MAP3K12: variants seen among roughly 807,000 people sequenced by gnomAD.
MAP3K12 encodes the protein mitogen-activated protein kinase kinase kinase 12.
MAP3K12 carries 14 observed loss-of-function variants against 87.5 expected under a neutral mutation model. The observed-to-expected ratio is 0.16, with a 90% CI of 0.11 to 0.25. The LOEUF is 0.25. Ranked by LOEUF, MAP3K12 falls within the 10% of genes least tolerant of loss-of-function variation. The pLI, the probability that MAP3K12 is intolerant of heterozygous loss-of-function variation, is 1.00. For missense variants in MAP3K12, 802 were observed against 1,140.4 expected (o/e 0.70, Z 4.27); for synonymous variants, 469 against 452.5 (o/e 1.04, Z -0.46).
chr12:53,485,525 T>C, intron 4 of MAP3K12, 50 bp from the exon 5 acceptor site: 2 of 1,573,372 alleles, frequency 1.3e-6, no homozygotes, highest in Middle Eastern at 1.8e-4. Flanking sequence ...ACACACCTCA[T>C]CTAACTCTGC....
Position 53,486,165 on chromosome 12 carries a change from C to T in MAP3K12, c.712G>A (p.Gly238Ser). The T allele has an allele frequency of 1.2e-6, 2 of 1,614,156 alleles. No individual in the cohort carries two copies. Among genetic ancestry groups the T allele is most frequent in the East Asian group, 2.2e-5 (1 of 44,878 alleles). Residue 238 changes from glycine (G) to serine (S), a missense_variant, in exon 4 of 14, where the codon GGC (glycine) becomes AGC (serine). Gly to Ser is a moderately conservative substitution (Grantham distance 56). Coordinates refer to ENST00000547488, the MANE Select transcript of MAP3K12 (RefSeq NM_001193511.2). The surrounding 1 kb of genome is among the most constrained non-coding windows in gnomAD (Gnocchi z 4.9). ...QGQLYEVLRAGRPVTPSLLVD... is the reference protein window; with the variant it reads ...QGQLYEVLRASRPVTPSLLVD... ...AGTAAGGAGGGGGTGACAGGGCGGCCAGCCCGCAGTACCTCATACAGCTGG... is the reference window on the plus strand; with the variant it reads ...AGTAAGGAGGGGGTGACAGGGCGGCTAGCCCGCAGTACCTCATACAGCTGG...
At chr12:53,501,280 C>A, upstream of MAP3K12, 1 of 986,240 alleles carries the variant, frequency 1.0e-6, no homozygotes, top group Non-Finnish European at 1.5e-6. Flanking sequence ...GACTCCATAT[C>A]CCAGCGTGCC....
At chr12:53,483,830 C>A (rs79893253) in intron 8 of MAP3K12, 81 bp downstream of exon 8, 48 of 1,610,186 alleles carry the variant, frequency 3.0e-5, no homozygotes, top group Admixed American at 1.5e-4. Flanking sequence ...TCCTTCCACC[C>A]GCCCTGGGGC....
chr12:53,501,407 G>A (rs1183068848), upstream of MAP3K12: 2 of 1,564,246 alleles, frequency 1.3e-6, no homozygotes, highest in Non-Finnish European at 8.7e-7. Flanking sequence ...ACGGAGGAGG[G>A]AATGAGTGAA....
At chr12:53,498,631 T>C (rs949562879) in intron 1 of MAP3K12, among the ~76,000 whole-genome samples, 6 of 152,012 alleles carry the variant, frequency 3.9e-5, no homozygotes, top group African/African-American at 1.5e-4. Flanking sequence ...CCAATGAGTT[T>C]GAGGAGTGTT....
At chr12:53,481,363 GTTT>G (rs1244206484) in intron 13 of MAP3K12, 83 bp from the exon 14 acceptor site, 1 of 694,982 alleles carries the variant, frequency 1.4e-6, no homozygotes, top group East Asian at 4.0e-5. Flanking sequence ...TTACTGATTT[GTTT>G]TTTAAGACAG....
At chr12:53,492,270 C>T (rs1174274188) in intron 1 of MAP3K12, among the ~76,000 whole-genome samples, 1 of 152,246 alleles carries the variant, frequency 6.6e-6, no homozygotes, top group South Asian at 2.1e-4. Flanking sequence ...TTATACTGGA[C>T]GGACAATGTA....
chr12:53,481,818 A>T (rs1056927317), intron 13 of MAP3K12, 123 bp downstream of exon 13: 4 of 1,217,242 alleles, frequency 3.3e-6, no homozygotes, highest in Middle Eastern at 2.9e-4. Context: ...CACCACGTGG[A>T]TATTTGCTCT....
Position 53,491,296 on chromosome 12 carries a change from A to AAAAAAAAG in MAP3K12, c.-37-3869_-37-3868insCTTTTTTT, listed in dbSNP as rs1943393858. On this transcript the variant is annotated intron_variant, in intron 1 of 13. Transcript: ENST00000547488. ...GAGTGAGACTCTGTCTCAAAAAAAAAAAAAAAAAAGAAAAGAAAAGAAAAA... is the reference window on the plus strand; with the variant it reads ...GAGTGAGACTCTGTCTCAAAAAAAAAAAAAAAAGAAAAAAAAAGAAAAGAAAAGAAAAA... 4.8e-5 allele frequency among the ~76,000 whole-genome samples: 7 copies of AAAAAAAAG among 145,672 alleles called. 1 individual carries two copies. The highest frequency in any genetic ancestry group is 2.2e-4 in the South Asian group (1 of 4,606).
chr12:53,499,509 T>TCCTCCTCCTTC (rs989712681), upstream of MAP3K12: 1 of 149,430 alleles, frequency 6.7e-6, no homozygotes, highest in Non-Finnish European at 1.5e-5. Flanking sequence ...CTCCTCCTTC[T>TCCTCCTCCTTC]CCTCCTCCTT....
At chr12:53,485,973 T>A in intron 4 of MAP3K12, 83 bp downstream of exon 4, 1 of 1,339,418 alleles carries the variant, frequency 7.5e-7, no homozygotes, top group Non-Finnish European at 1.0e-6. Flanking sequence ...ACCTAGGGCA[T>A]GGTTTGGAAG....
chr12:53,481,641 C>G, intron 13 of MAP3K12: 1 of 370,330 alleles, frequency 2.7e-6, no homozygotes, highest in East Asian at 5.2e-5. Context: ...AGTCACCATG[C>G]CCAGCCAGCT....
chr12:53,492,412 C>CA (rs1211398159), intron 1 of MAP3K12, among the ~76,000 whole-genome samples: 2 of 152,132 alleles, frequency 1.3e-5, no homozygotes, highest in African/African-American at 4.8e-5. Context: ...CTGCTCTACT[C>CA]ACCCCGGAGG....
At chr12:53,494,022 A>G (rs904655571) in intron 1 of MAP3K12, among the ~76,000 whole-genome samples, 2 of 152,150 alleles carry the variant, frequency 1.3e-5, no homozygotes, top group South Asian at 2.1e-4. Context: ...TGGGAGCTAT[A>G]GTAAAGTGGA....
intron 8 of MAP3K12, 72 bp downstream of exon 8, chr12:53,483,839 G>A (rs1227134610): frequency 2.5e-6 from 4 of 1,610,164 alleles, no homozygotes; most frequent in African/African-American, 1.3e-5. Context: ...CCGCCCTGGG[G>A]CTGGGTAGGA....
rs1275235575 is a variant in MAP3K12 at position 53,479,678 on chromosome 12, T to TTTTTTTTTGTTTTTTTG, written c.*1503_*1504insCAAAAAAACAAAAAAAA. The TTTTTTTTTGTTTTTTTG allele has an allele frequency of 5.1e-6, 2 of 389,154 alleles. No individual in the cohort carries two copies. The highest frequency in any genetic ancestry group is 9.2e-6 in the Non-Finnish European group (2 of 218,084). The allele number at this position is 389,154 out of a possible 1,614,324, so 24.1% of individuals were successfully genotyped here. ...TTTATAAGCTTCTCCCTGGTTTTTT[T>TTTTTTTTTGTTTTTTTG]TTTTTGGCTCATGAATTTTTCTGTT... is the stretch of plus-strand genomic sequence containing the variant. On this transcript the variant is annotated 3_prime_UTR_variant, in exon 14 of 14. Coordinates refer to ENST00000547488, the MANE Select transcript of MAP3K12 (RefSeq NM_001193511.2).
At position 53,486,970 on chromosome 12, in the gene MAP3K12, G is replaced by C; in HGVS notation, c.422C>G (p.Thr141Ser). The change falls in exon 2 of 14, where the codon ACT becomes AGT. Residue 141 changes from threonine (T) to serine (S), a missense_variant. Transcript: ENST00000547488. This position sits in a 1 kb window ranked among gnomAD's most constrained non-coding sequence, Gnocchi z 4.9. ...ACCTTCCTGCTGCTGCTTGTGCTCA[G>C]TGGAGTAGGCTTTGCCAATCATGGT... ...VWTMIGKAYSTEHKQQQEDLW... is the reference protein window; with the variant it reads ...VWTMIGKAYSSEHKQQQEDLW... 1 of 1,614,118 alleles carries C rather than the reference G, an allele frequency of 6.2e-7. No individual in the cohort carries two copies. Among genetic ancestry groups the C allele is most frequent in the Non-Finnish European group, 8.5e-7 (1 of 1,179,982 alleles).
chr12:53,480,074 C>T lies in MAP3K12; in HGVS notation c.*1108G>A, dbSNP rs914683966. The T allele has an allele frequency of 2.6e-5, 4 of 151,880 alleles. No homozygotes were observed. Among genetic ancestry groups the T allele is most frequent in the African/African-American group, 7.3e-5 (3 of 41,302 alleles). The allele number at this position is 151,880 out of a possible 1,614,324, so 9.4% of individuals were successfully genotyped here. ...TTAGACTTTCCGAGGACTTACCTGT[C>T]CTAGGGGAGTAGGCAAGCACTTCCA... On this transcript the variant is annotated 3_prime_UTR_variant, in exon 14 of 14. Coordinates refer to ENST00000547488, the MANE Select transcript of MAP3K12 (RefSeq NM_001193511.2).
rs1258391862 is a variant in MAP3K12, at chr12:53,481,119, A to G, written c.*63T>C. Reference sequence around the variant, plus strand: ...TTGATTATGTGGCGCATATATATATATATATGTATATATATATAATTTATA... The same window carrying G: ...TTGATTATGTGGCGCATATATATATGTATATGTATATATATATAATTTATA... On this transcript the variant is annotated 3_prime_UTR_variant, in exon 14 of 14. Coordinates refer to ENST00000547488, the MANE Select transcript of MAP3K12 (RefSeq NM_001193511.2). 1.8e-5 allele frequency: 11 copies of G among 606,528 alleles called. No individual in the cohort carries two copies. Among genetic ancestry groups the G allele is most frequent in the Non-Finnish European group, 2.5e-5 (11 of 444,274 alleles). 37.6% of individuals were successfully genotyped at this position (606,528 alleles called of 1,614,324 possible).
Sources: gnomAD v4.1 joint callset for allele counts (sites outside exome capture counted in the v4.1 genomes callset) on GRCh38, gnomAD v4.1.1 for gene constraint, Gnocchi (gnomAD v3.1) non-coding constraint, MANE v1.5 for transcripts, NCBI Gene and HGNC (gene_info 2026-07-23, HGNC 2026-07-21) for gene names.